SPMIP2: variants seen among roughly 807,000 people sequenced by gnomAD.
SPMIP2 encodes the protein protein SPMIP2.
chr4:159,046,746 T>C, the SPMIP2 span, among the ~76,000 whole-genome samples: 1 of 152,228 alleles, frequency 6.6e-6, no homozygotes, highest in Non-Finnish European at 1.5e-5. Flanking sequence ...CTAATTATTC[T>C]ATTTTTAGAA....
At chr4:159,004,116 A>C in the SPMIP2 span, among the ~76,000 whole-genome samples, 1 of 151,936 alleles carries the variant, frequency 6.6e-6, no homozygotes, top group Non-Finnish European at 1.5e-5. Context: ...TCCCGGGTTC[A>C]AGTGATCCTT....
At chr4:159,003,555 C>T in the SPMIP2 span, among the ~76,000 whole-genome samples, 1 of 152,096 alleles carries the variant, frequency 6.6e-6, no homozygotes, top group East Asian at 1.9e-4. Context: ...TATGCTAATG[C>T]TATTGTAGGC....
At chr4:158,938,022 T>C in the SPMIP2 span, among the ~76,000 whole-genome samples, 1 of 152,342 alleles carries the variant, frequency 6.6e-6, no homozygotes, top group South Asian at 2.1e-4. Context: ...AATTCAAACA[T>C]GAATTTATGA....
the SPMIP2 span, among the ~76,000 whole-genome samples, chr4:159,017,273 G>A: frequency 6.6e-6 from 1 of 151,880 alleles, no homozygotes; most frequent in African/African-American, 2.4e-5. Flanking sequence ...CAGTTATCCC[G>A]AATGACTCCC....
the SPMIP2 span, among the ~76,000 whole-genome samples, chr4:159,012,801 G>A: frequency 5.7e-4 from 87 of 151,990 alleles, no homozygotes; most frequent in Admixed American, 9.2e-4. Flanking sequence ...TCGAACTCCT[G>A]GGCTCAAGTG....
At chr4:158,895,863 G>C in the SPMIP2 span, 8 of 1,607,872 alleles carry the variant, frequency 5.0e-6, no homozygotes, top group Non-Finnish European at 6.8e-6. Context: ...GTGTCGTACT[G>C]GGGTGAGTTC....
chr4:158,973,255 C>T, the SPMIP2 span: 4 of 1,613,686 alleles, frequency 2.5e-6, no homozygotes, highest in African/African-American at 2.7e-5. Context: ...TGCTGTTCTC[C>T]TACATAGGAG....
chr4:159,077,812 A>G, the SPMIP2 span, among the ~76,000 whole-genome samples: 1 of 152,196 alleles, frequency 6.6e-6, no homozygotes, highest in Admixed American at 6.6e-5. Context: ...TATACTGGAA[A>G]CAAAATGAAA....
the SPMIP2 span, among the ~76,000 whole-genome samples, chr4:158,929,465 C>T: frequency 6.6e-6 from 1 of 152,106 alleles, no homozygotes; most frequent in Non-Finnish European, 1.5e-5. Flanking sequence ...TTCATGCTTG[C>T]TTTTGTGGTA....
At chr4:159,056,417 T>TA in the SPMIP2 span, among the ~76,000 whole-genome samples, 45 of 152,124 alleles carry the variant, frequency 3.0e-4, no homozygotes, top group African/African-American at 9.9e-4. Context: ...ATATAAAATA[T>TA]AAAAAAATAA....
chr4:158,954,785 G>A, the SPMIP2 span, among the ~76,000 whole-genome samples: 1 of 152,126 alleles, frequency 6.6e-6, no homozygotes, highest in African/African-American at 2.4e-5. Flanking sequence ...TTTATTAAAG[G>A]CCTAGAAGAT....
At chr4:158,937,650 T>C in the SPMIP2 span, 1 of 154,424 alleles carries the variant, frequency 6.5e-6, no homozygotes, top group Non-Finnish European at 1.5e-5. Context: ...CTGTTTCTTC[T>C]GTCTTTAGAC....
chr4:159,049,639 TC>T, the SPMIP2 span, among the ~76,000 whole-genome samples: 1 of 152,204 alleles, frequency 6.6e-6, no homozygotes, highest in Non-Finnish European at 1.5e-5. Context: ...TTAAATACAA[TC>T]ACTTGTTTGA....
At chr4:158,992,261 C>T in the SPMIP2 span, among the ~76,000 whole-genome samples, 9 of 152,112 alleles carry the variant, frequency 5.9e-5, no homozygotes, top group South Asian at 4.1e-4. Flanking sequence ...GTGGTGTGTG[C>T]GGGAGGGATC....
At chr4:158,988,218 A>G in the SPMIP2 span, among the ~76,000 whole-genome samples, 1 of 152,224 alleles carries the variant, frequency 6.6e-6, no homozygotes, top group East Asian at 1.9e-4. Flanking sequence ...TGAATAGACC[A>G]ATAACAAGTT....
the SPMIP2 span, among the ~76,000 whole-genome samples, chr4:159,076,290 T>A: frequency 2.6e-5 from 4 of 152,226 alleles, no homozygotes; most frequent in African/African-American, 7.2e-5. Context: ...TCTTTTGACC[T>A]ATAGTTTTAA....
chr4:159,011,191 G>A, the SPMIP2 span, among the ~76,000 whole-genome samples: 1 of 152,148 alleles, frequency 6.6e-6, no homozygotes, highest in Non-Finnish European at 1.5e-5. Context: ...TTCAACTGAA[G>A]TAGCCTGAAA....
chr4:158,922,008 C>T, the SPMIP2 span, among the ~76,000 whole-genome samples: 2 of 151,768 alleles, frequency 1.3e-5, no homozygotes, highest in Non-Finnish European at 2.9e-5. Context: ...CTGCCTCAGC[C>T]TCCCAAGTAG....
At chr4:159,082,449 C>CTGTGTGTGTGTGTGTG in the SPMIP2 span, among the ~76,000 whole-genome samples, 132 of 111,644 alleles carry the variant, frequency 1.2e-3, no homozygotes, top group South Asian at 3.9e-3. Context: ...CCACTTTTCT[C>CTGTGTGTGTGTGTGTG]TGTGTGTGTG....
Sources: allele counts gnomAD v4.1 joint callset (sites outside exome capture counted in the v4.1 genomes callset), GRCh38; gene constraint gnomAD v4.1.1; transcripts MANE v1.5; gene names NCBI Gene and HGNC (gene_info 2026-07-23, HGNC 2026-07-21).